SCMH1: variants seen among roughly 807,000 people sequenced by gnomAD.
SCMH1 encodes the protein Scm polycomb group protein homolog 1, also known as polycomb protein SCMH1.
SCMH1 carries 37 observed loss-of-function variants against 70.8 expected under a neutral mutation model. That is an observed-to-expected ratio of 0.52 (90% CI 0.40 to 0.69). SCMH1 has a LOEUF of 0.69. Among genes scored for constraint, SCMH1 ranks in the 30% least tolerant of loss-of-function variants. The pLI, the probability that SCMH1 is intolerant of heterozygous loss-of-function variation, is 0.00. For synonymous variants in SCMH1, 292 were observed against 307.4 expected, an observed-to-expected ratio of 0.95 and a Z score of 0.52; for missense variants, 607 against 827.3, an observed-to-expected ratio of 0.73 and a Z score of 3.27.
At chr1:41,235,101 G>C (rs1337758782) in intron 1 of SCMH1, among the ~76,000 whole-genome samples, 2 of 152,048 alleles carry the variant, frequency 1.3e-5, no homozygotes, top group South Asian at 4.1e-4. Context: ...ATTTCAACCA[G>C]AACATTAGTT....
intron 12 of SCMH1, 146 bp downstream of exon 12, chr1:41,046,261 G>A: frequency 3.1e-6 from 2 of 635,752 alleles, no homozygotes; most frequent in Non-Finnish European, 5.4e-6. Context: ...AGAAGTCTCA[G>A]ATATGGCAAA....
intron 10 of SCMH1, among the ~76,000 whole-genome samples, chr1:41,054,486 T>C (rs1649489646): frequency 6.6e-6 from 1 of 152,136 alleles, no homozygotes; most frequent in South Asian, 2.1e-4. Context: ...AAACTATAAA[T>C]TATGAAAGGA....
chr1:41,137,837 C>T (rs1412042003), intron 6 of SCMH1, among the ~76,000 whole-genome samples: 1 of 152,186 alleles, frequency 6.6e-6, no homozygotes, highest in African/African-American at 2.4e-5. Flanking sequence ...TTTATGTTTG[C>T]TACTCATATA....
At chr1:41,070,359 C>A (rs969452218) in intron 10 of SCMH1, among the ~76,000 whole-genome samples, 3 of 152,216 alleles carry the variant, frequency 2.0e-5, no homozygotes, top group African/African-American at 7.2e-5. Context: ...TTATTCTAAA[C>A]TAGGCCAGGG....
chr1:41,166,061 T>C (rs1413276404), intron 2 of SCMH1, among the ~76,000 whole-genome samples: 1 of 152,156 alleles, frequency 6.6e-6, no homozygotes, highest in East Asian at 1.9e-4. Flanking sequence ...TTCATTCTTC[T>C]ATATGTGGAT....
At position 41,071,201 on chromosome 1, in the gene SCMH1, A is replaced by G. The variant is rs547068839; in HGVS notation, c.979-480T>C. ...TACCTGCCATTCCCTTAAATCTCCT[A>G]TTCTACTAAATCTCTATTGCTTCTT... On this transcript the variant is annotated intron_variant, in intron 9 of 14. Coordinates refer to ENST00000337495, the Ensembl canonical transcript of SCMH1. Among the ~76,000 whole-genome samples, 7 of 152,254 alleles carry G rather than the reference A, an allele frequency of 4.6e-5. No individual in the cohort carries two copies. In the East Asian group the frequency reaches 1.3e-3, roughly 29 times the overall value.
intron 5 of SCMH1, among the ~76,000 whole-genome samples, chr1:41,144,983 T>C (rs1263533548): frequency 6.6e-6 from 1 of 152,196 alleles, no homozygotes; most frequent in Admixed American, 6.5e-5. Context: ...ATATTCTGGA[T>C]ACAAGTCCTT....
chr1:41,133,706 G>A (rs973030078), intron 6 of SCMH1, among the ~76,000 whole-genome samples: 1 of 152,050 alleles, frequency 6.6e-6, no homozygotes, highest in Admixed American at 6.6e-5. Context: ...ATAAATTCCT[G>A]GACACATACA....
intron 2 of SCMH1, among the ~76,000 whole-genome samples, chr1:41,176,189 C>CAAAAAAAAAAAAAAAAAAAAAAA: frequency 9.1e-6 from 1 of 109,960 alleles, no homozygotes; most frequent in South Asian, 2.8e-4. Context: ...CCAAAAAAAA[C>CAAAAAAAAAAAAAAAAAAAAAAA]AAAAAAAAAA....
intron 2 of SCMH1, among the ~76,000 whole-genome samples, chr1:41,162,440 T>C (rs752859736): frequency 1.3e-4 from 20 of 152,134 alleles, no homozygotes; most frequent in Non-Finnish European, 2.9e-4. Flanking sequence ...TGGGGACTTG[T>C]GGTGCCTTTT....
intron 2 of SCMH1, among the ~76,000 whole-genome samples, chr1:41,166,450 CAA>C (rs1646413527): frequency 6.6e-6 from 1 of 152,040 alleles, no homozygotes; most frequent in African/African-American, 2.4e-5. Flanking sequence ...AATATTTTCA[CAA>C]TATTAATTCT....
At chr1:41,097,842 ATTC>A (rs1368029410) in intron 8 of SCMH1, among the ~76,000 whole-genome samples, 1 of 152,248 alleles carries the variant, frequency 6.6e-6, no homozygotes, top group East Asian at 1.9e-4. Flanking sequence ...TTTGGTTAAA[ATTC>A]TTCAATAGTC....
At chr1:41,056,840 G>A (rs1325126684) in intron 10 of SCMH1, among the ~76,000 whole-genome samples, 5 of 152,120 alleles carry the variant, frequency 3.3e-5, no homozygotes, top group Admixed American at 2.0e-4. Flanking sequence ...GAGCTCAACC[G>A]GATTCTCACA....
chr1:41,229,422 G>A (rs1180894360), intron 1 of SCMH1, among the ~76,000 whole-genome samples: 1 of 152,176 alleles, frequency 6.6e-6, no homozygotes, highest in Non-Finnish European at 1.5e-5. Flanking sequence ...GAAAAAGGAT[G>A]AGTTCATGCC....
At chr1:41,225,957 G>C (rs577276000) in intron 1 of SCMH1, among the ~76,000 whole-genome samples, 17 of 152,154 alleles carry the variant, frequency 1.1e-4, no homozygotes, top group Middle Eastern at 6.8e-3. Context: ...TGGTGAAAGG[G>C]GAGCAAGGAG....
chr1:41,081,070 A>G (rs937024125), intron 8 of SCMH1, among the ~76,000 whole-genome samples: 3 of 152,262 alleles, frequency 2.0e-5, no homozygotes, highest in African/African-American at 7.2e-5. Context: ...CACTAGATAC[A>G]AATCTAATAT....
intron 6 of SCMH1, among the ~76,000 whole-genome samples, chr1:41,127,568 T>C (rs1232204148): frequency 1.3e-5 from 2 of 152,172 alleles, no homozygotes; most frequent in African/African-American, 4.8e-5. Flanking sequence ...CCCAATGTCA[T>C]TTATGAAAAA....
At chr1:41,072,679 T>C (rs936738409) in intron 9 of SCMH1, among the ~76,000 whole-genome samples, 3 of 152,078 alleles carry the variant, frequency 2.0e-5, no homozygotes, top group South Asian at 2.1e-4. Flanking sequence ...CTGGGCAACA[T>C]AGCAAGGCCC....
At chr1:41,159,371 AATTGTT>A (rs993890050) in intron 4 of SCMH1, among the ~76,000 whole-genome samples, 1 of 152,206 alleles carries the variant, frequency 6.6e-6, no homozygotes, top group African/African-American at 2.4e-5. Flanking sequence ...ACTGAGCTAC[AATTGTT>A]ATTATCATTC....
Sources: allele counts gnomAD v4.1 joint callset (sites outside exome capture counted in the v4.1 genomes callset), GRCh38; gene constraint gnomAD v4.1.1; transcripts MANE v1.5; gene names NCBI Gene and HGNC (gene_info 2026-07-23, HGNC 2026-07-21).